Variants in GRIK2 observed in about 807,000 individuals in gnomAD.
GRIK2 encodes the protein glutamate receptor ionotropic, kainate 2.
In GRIK2, 32 loss-of-function variants were observed where a neutral mutation model predicts 100.3. The observed-to-expected ratio is 0.32, with a 90% CI of 0.24 to 0.43. The LOEUF (loss-of-function observed/expected upper bound fraction) is 0.43. Among genes scored for constraint, GRIK2 ranks in the 20% least tolerant of loss-of-function variants. The probability of loss-of-function intolerance (pLI) is 1.00; values close to 1 mark genes in which losing one functional copy is unlikely to be tolerated. For missense variants in GRIK2, 843 were observed against 1,114.9 expected, an observed-to-expected ratio of 0.76 and a Z score of 3.47; for synonymous variants, 417 against 389.4, an observed-to-expected ratio of 1.07 and a Z score of -0.83.
chr6:101,607,241 C>A (rs1038694501), intron 2 of GRIK2, among the ~76,000 whole-genome samples: 7 of 151,898 alleles, frequency 4.6e-5, no homozygotes, highest in Admixed American at 2.6e-4. Context: ...TTTGCTGTTC[C>A]CCTGTGTGAA....
chr6:101,521,354 T>A (rs1430566119), intron 2 of GRIK2, among the ~76,000 whole-genome samples: 1 of 152,026 alleles, frequency 6.6e-6, no homozygotes, highest in Non-Finnish European at 1.5e-5. Flanking sequence ...ATTAACTTTA[T>A]AAGCTAATCC....
At chr6:101,676,937 C>T in intron 5 of GRIK2, 133 bp downstream of exon 5, 1 of 555,356 alleles carries the variant, frequency 1.8e-6, no homozygotes, top group South Asian at 2.9e-5. Flanking sequence ...GATAGAAAGT[C>T]TGACAATTGC....
chr6:101,883,421 C>T (rs1470986409), intron 11 of GRIK2, among the ~76,000 whole-genome samples: 2 of 151,986 alleles, frequency 1.3e-5, no homozygotes, highest in East Asian at 3.9e-4. Context: ...GTGCCAGTCA[C>T]TGTACTAGAC....
At chr6:101,409,516 A>G (rs1775777133) in intron 2 of GRIK2, among the ~76,000 whole-genome samples, 1 of 152,186 alleles carries the variant, frequency 6.6e-6, no homozygotes, top group Non-Finnish European at 1.5e-5. Flanking sequence ...AGACAACTTT[A>G]GTAGAATAGA....
chr6:101,429,375 A>G (rs1769245751), intron 2 of GRIK2, among the ~76,000 whole-genome samples: 1 of 152,150 alleles, frequency 6.6e-6, no homozygotes, highest in Non-Finnish European at 1.5e-5. Context: ...TGTAGTGCAC[A>G]CCCTAACTAC....
At chr6:102,010,464 A>G (rs540140689) in intron 14 of GRIK2, among the ~76,000 whole-genome samples, 2 of 151,302 alleles carry the variant, frequency 1.3e-5, no homozygotes, top group East Asian at 3.9e-4. Flanking sequence ...GCTCACTGCA[A>G]CCTCCGCCTC....
chr6:101,483,486 A>G (rs1383725308), intron 2 of GRIK2, among the ~76,000 whole-genome samples: 2 of 152,184 alleles, frequency 1.3e-5, no homozygotes, highest in African/African-American at 4.8e-5. Flanking sequence ...GTGTATTGTT[A>G]ATTATAATCC....
chr6:101,859,462 G>A lies in GRIK2; in HGVS notation c.1493G>A (p.Trp498Ter), dbSNP rs1305181486. ...GCCCAGGATGATGCCAATGGACAAT[G>A]GAATGGAATGGTTCGTGAACTAATT... ...YGAQDDANGQ[W>*]NGMVRELIDH... Residue 498 changes from tryptophan to a stop codon, truncating the protein, a stop_gained, in exon 11 of 17, where the codon TGG becomes TAG. Transcript: ENST00000369134. LOFTEE classifies it high-confidence loss of function. 6.2e-7 allele frequency: 1 copy of A among 1,605,162 alleles called. No individual in the cohort carries two copies. The highest frequency in any genetic ancestry group is 8.5e-7 in the Non-Finnish European group (1 of 1,172,790).
At chr6:101,644,459 G>T (rs1373860787) in intron 4 of GRIK2, among the ~76,000 whole-genome samples, 1 of 151,634 alleles carries the variant, frequency 6.6e-6, no homozygotes, top group Admixed American at 6.6e-5. Context: ...GATCATGAAG[G>T]GACTGGCAAG....
chr6:101,704,895 T>A (rs1268880883), intron 7 of GRIK2, among the ~76,000 whole-genome samples: 1 of 149,710 alleles, frequency 6.7e-6, no homozygotes, highest in African/African-American at 2.4e-5. Flanking sequence ...ACAGCCAAAA[T>A]TGATAATAAT....
At chr6:101,416,737 A>T (rs1024178028) in intron 2 of GRIK2, among the ~76,000 whole-genome samples, 12 of 152,196 alleles carry the variant, frequency 7.9e-5, no homozygotes, top group South Asian at 2.1e-4. Context: ...TCATATTTTT[A>T]AAAATTGGAC....
intron 7 of GRIK2, among the ~76,000 whole-genome samples, chr6:101,689,479 G>T (rs182434911): frequency 2.0e-3 from 306 of 152,164 alleles, no homozygotes; most frequent in Non-Finnish European, 1.7e-3. Flanking sequence ...GATTTTAATT[G>T]GCCTTTGAGA....
At chr6:101,620,556 T>C (rs1582839009) in intron 2 of GRIK2, among the ~76,000 whole-genome samples, 1 of 152,170 alleles carries the variant, frequency 6.6e-6, no homozygotes, top group Non-Finnish European at 1.5e-5. Flanking sequence ...CTTACTAATT[T>C]ATAATAGGTA....
intron 12 of GRIK2, among the ~76,000 whole-genome samples, chr6:101,923,999 C>A (rs1482108425): frequency 6.7e-6 from 1 of 149,654 alleles, no homozygotes; most frequent in Non-Finnish European, 1.5e-5. Context: ...TTCTCTGAAA[C>A]CTATAATAAT....
At chr6:101,911,141 T>A (rs1446103037) in intron 12 of GRIK2, among the ~76,000 whole-genome samples, 3 of 151,336 alleles carry the variant, frequency 2.0e-5, no homozygotes, top group Non-Finnish European at 4.4e-5. Flanking sequence ...ATAAACTACA[T>A]CTGGAAAAGT....
chr6:101,560,984 A>T (rs954775509), intron 2 of GRIK2, among the ~76,000 whole-genome samples: 1 of 152,194 alleles, frequency 6.6e-6, no homozygotes, highest in Non-Finnish European at 1.5e-5. Flanking sequence ...TTGGTTATAC[A>T]TGCCTTTATT....
chr6:101,972,597 T>TTTTTTTTTTTTTTTTGAGAC (rs1554185303), intron 14 of GRIK2, among the ~76,000 whole-genome samples: 2 of 151,122 alleles, frequency 1.3e-5, no homozygotes, highest in Non-Finnish European at 3.0e-5. Context: ...CTACTTTTAT[T>TTTTTTTTTTTTTTTTGAGAC]GCAATTGCTT....
At chr6:102,047,671 C>T (rs551264492) in intron 15 of GRIK2, among the ~76,000 whole-genome samples, 1 of 151,968 alleles carries the variant, frequency 6.6e-6, no homozygotes, top group East Asian at 1.9e-4. Context: ...ATTGCTTTAA[C>T]CCAGGAGGCA....
intron 4 of GRIK2, among the ~76,000 whole-genome samples, chr6:101,659,960 C>T (rs1769490778): frequency 6.6e-6 from 1 of 152,082 alleles, no homozygotes; most frequent in South Asian, 2.1e-4. Flanking sequence ...TGGGGTTGCT[C>T]TTCTCGAAGA....
Sources: gnomAD v4.1 joint callset for allele counts (sites outside exome capture counted in the v4.1 genomes callset) on GRCh38, gnomAD v4.1.1 for gene constraint, MANE v1.5 for transcripts, NCBI Gene and HGNC (gene_info 2026-07-23, HGNC 2026-07-21) for gene names.